The following USP13 variants were observed in gnomAD, a reference collection of about 807,000 sequenced individuals.
USP13 encodes ubiquitin carboxyl-terminal hydrolase 13.
A neutral mutation model predicts 107.8 loss-of-function variants in USP13; 68 were observed. The observed-to-expected ratio is 0.63, with a 90% CI of 0.52 to 0.77. The LOEUF is 0.77. Among genes scored for constraint, USP13 ranks in the 30% least tolerant of loss-of-function variants. The probability of loss-of-function intolerance (pLI) is 0.00; values close to 1 mark genes in which losing one functional copy is unlikely to be tolerated. For synonymous variants in USP13, 377 were observed against 389.5 expected (o/e 0.97, Z 0.38); for missense variants, 945 against 1,093.3 (o/e 0.86, Z 1.91).
chr3:179,747,672 G>C (rs1186600350), intron 13 of USP13, among the ~76,000 whole-genome samples: 1 of 152,078 alleles, frequency 6.6e-6, no homozygotes, highest in Non-Finnish European at 1.5e-5. Context: ...CAGGGCTAGT[G>C]GTCAGGAGAC....
chr3:179,690,117 A>C, intron 2 of USP13, 124 bp from the exon 3 acceptor site: 1 of 852,650 alleles, frequency 1.2e-6, no homozygotes, highest in Non-Finnish European at 1.8e-6. Context: ...TGGAATTGCT[A>C]ATCTAGATGG....
intron 19 of USP13, among the ~76,000 whole-genome samples, chr3:179,779,500 A>T (rs926281552): frequency 6.6e-6 from 1 of 152,100 alleles, no homozygotes; most frequent in African/African-American, 2.4e-5. Context: ...ACTGCACTCC[A>T]GACTGGGTGA....
At chr3:179,735,096 A>G (rs1436741912) in intron 10 of USP13, among the ~76,000 whole-genome samples, 2 of 152,192 alleles carry the variant, frequency 1.3e-5, no homozygotes, top group Non-Finnish European at 2.9e-5. Flanking sequence ...TATTAATATG[A>G]CAGATTCCTT....
At chr3:179,745,869 A>G (rs1284506955) in intron 13 of USP13, among the ~76,000 whole-genome samples, 3 of 152,070 alleles carry the variant, frequency 2.0e-5, no homozygotes, top group African/African-American at 7.2e-5. Context: ...TTGTTTTCAC[A>G]TTGTGAGGCT....
At chr3:179,681,814 T>A (rs1319200788) in intron 1 of USP13, 64 bp from the exon 2 acceptor site, 1 of 1,537,038 alleles carries the variant, frequency 6.5e-7, no homozygotes, top group Non-Finnish European at 8.8e-7. Context: ...TCCCTTTCCC[T>A]CTTTCTACAT....
At chr3:179,696,249 G>C (rs1343260285) in intron 3 of USP13, among the ~76,000 whole-genome samples, 1 of 150,936 alleles carries the variant, frequency 6.6e-6, no homozygotes, top group Admixed American at 6.6e-5. Context: ...CGTATTTTTT[G>C]CTAATGGTTA....
chr3:179,696,573 C>A lies in USP13; in HGVS notation c.356-4435C>A, dbSNP rs1465802521. Reference sequence around the variant, plus strand: ...GACCTCGAACTCCTGACCTCGTGATCTGCCCACCTTGGCCTCCTAAAGTGC... The same window carrying A: ...GACCTCGAACTCCTGACCTCGTGATATGCCCACCTTGGCCTCCTAAAGTGC... On this transcript the variant is annotated intron_variant, in intron 3 of 20. Transcript: ENST00000263966. Among the ~76,000 whole-genome samples the A allele has an allele frequency of 1.6e-4, 24 of 152,262 alleles. No individual in the cohort carries two copies. The East Asian group carries it at 4.6e-3, about 29-fold the overall frequency.
chr3:179,681,789 A>C, intron 1 of USP13, 89 bp from the exon 2 acceptor site: 2 of 1,494,302 alleles, frequency 1.3e-6, no homozygotes. Context: ...CCTCGTCTTC[A>C]GCGTTTGCCT....
chr3:179,774,720 G>A (rs1715461659), intron 19 of USP13, among the ~76,000 whole-genome samples: 1 of 152,190 alleles, frequency 6.6e-6, no homozygotes, highest in Non-Finnish European at 1.5e-5. Flanking sequence ...ACCCAAGCAG[G>A]TTGCCACTGC....
chr3:179,780,539 GGAA>G (rs1193259151), intron 19 of USP13, among the ~76,000 whole-genome samples: 2 of 152,222 alleles, frequency 1.3e-5, no homozygotes, highest in South Asian at 2.1e-4. Context: ...GGATAGGGGG[GGAA>G]GAAGAAGGTT....
chr3:179,684,740 T>C (rs1413085653), intron 2 of USP13, among the ~76,000 whole-genome samples: 2 of 152,020 alleles, frequency 1.3e-5, no homozygotes, highest in African/African-American at 4.8e-5. Context: ...TGATATCTTT[T>C]AGTGCAAGCA....
rs751211999 is a variant in USP13 at position 179,745,065 on chromosome 3, A to C, written c.1557A>C (p.Leu519=). 13 of 1,614,210 alleles carry C rather than the reference A, an allele frequency of 8.1e-6. No individual in the cohort carries two copies. The South Asian group carries it at 1.3e-4, about 16-fold the overall frequency. ...CAGATGAACTGATCGCTTATGAACT[A>C]ACGAGAAGGGAAGCAGAAGCAAACA... ...TNKDELIAYE[L]TRREAEANRR... Residue 519 remains leucine, a synonymous_variant, in exon 13 of 21, where the codon CTA becomes CTC. Transcript: ENST00000263966.
intron 14 of USP13, among the ~76,000 whole-genome samples, chr3:179,752,757 T>C (rs928645289): frequency 1.3e-5 from 2 of 152,244 alleles, no homozygotes; most frequent in African/African-American, 2.4e-5. Context: ...CACGTGATGC[T>C]GATGCTGTTG....
rs375253245 is a variant in USP13, at chr3:179,691,850, G to A, written c.355+1549G>A. 9.8e-4 allele frequency among the ~76,000 whole-genome samples: 149 copies of A among 152,120 alleles called. 1 individual carries two copies. In the South Asian group the frequency reaches 0.026, roughly 26 times the overall value. On this transcript the variant is annotated intron_variant, in intron 3 of 20. Transcript: ENST00000263966. ...ACTGATTTCTATATCATATAATTAT[G>A]GTCATATTAAGCTTCTGATATGGTT...
intron 3 of USP13, among the ~76,000 whole-genome samples, chr3:179,699,080 G>C (rs1054732430): frequency 8.6e-5 from 13 of 152,036 alleles, no homozygotes; most frequent in African/African-American, 2.7e-4. Context: ...TCTTGGCCAG[G>C]CTGGTCTTGA....
rs1010936087 is a variant in USP13 at position 179,787,442 on chromosome 3, T to G, written c.*3301T>G. Reference sequence around the variant, plus strand: ...TTTTCCTGTGGTTACCACTAGGGTCTGACACGTAAAATGTGAGGGATCACT... The same window carrying G: ...TTTTCCTGTGGTTACCACTAGGGTCGGACACGTAAAATGTGAGGGATCACT... On this transcript the variant is annotated 3_prime_UTR_variant, in exon 21 of 21. Transcript: ENST00000263966. The G allele has an allele frequency of 6.6e-6, 1 of 152,260 alleles. No homozygotes were observed. Among genetic ancestry groups the G allele is most frequent in the Non-Finnish European group, 1.5e-5 (1 of 68,050 alleles). 9.4% of individuals were successfully genotyped at this position (152,260 alleles called of 1,614,324 possible). A position where few individuals can be genotyped will look rare whatever the true frequency, so the allele number is the denominator to read the frequency against.
chr3:179,738,740 T>TA (rs1273098522), intron 10 of USP13, among the ~76,000 whole-genome samples: 1 of 152,198 alleles, frequency 6.6e-6, no homozygotes, highest in East Asian at 1.9e-4. Context: ...TTACCCGTAT[T>TA]AAAGAGCCAG....
chr3:179,660,622 A>G (rs993864025), intron 1 of USP13, among the ~76,000 whole-genome samples: 5 of 152,238 alleles, frequency 3.3e-5, no homozygotes, highest in African/African-American at 1.2e-4. Context: ...GAGTCCCTGT[A>G]GATTCTCTGC....
intron 20 of USP13, among the ~76,000 whole-genome samples, chr3:179,782,179 C>A (rs1298409745): frequency 2.6e-5 from 4 of 152,282 alleles, no homozygotes; most frequent in East Asian, 1.9e-4. Context: ...ACAGGAAAAA[C>A]CAGGATGCCC....
Sources: gnomAD v4.1 joint callset for allele counts (sites outside exome capture counted in the v4.1 genomes callset) on GRCh38, gnomAD v4.1.1 for gene constraint, MANE v1.5 for transcripts, NCBI Gene and HGNC (gene_info 2026-07-23, HGNC 2026-07-21) for gene names.